Variants in IKBKB observed in about 807,000 individuals in gnomAD.
IKBKB encodes inhibitor of nuclear factor kappa-B kinase subunit beta.
A neutral mutation model predicts 113.6 loss-of-function variants in IKBKB; 42 were observed. That is an observed-to-expected ratio of 0.37 (90% CI 0.29 to 0.48). IKBKB has a LOEUF of 0.48. Ranked by LOEUF, IKBKB falls within the 20% of genes least tolerant of loss-of-function variation. The probability of loss-of-function intolerance (pLI) is 0.99; values close to 1 mark genes in which losing one functional copy is unlikely to be tolerated. For synonymous variants in IKBKB, 296 were observed against 361.3 expected, an observed-to-expected ratio of 0.82 and a Z score of 2.05; for missense variants, 673 against 939.7, an observed-to-expected ratio of 0.72 and a Z score of 3.71.
intron 14 of IKBKB, 31 bp from the exon 15 acceptor site, chr8:42,319,554 G>C (rs773573259): frequency 6.3e-7 from 1 of 1,581,552 alleles, no homozygotes; most frequent in South Asian, 1.2e-5. Flanking sequence ...ATTTTGTTTT[G>C]TTTTGTTTTT....
intron 2 of IKBKB, among the ~76,000 whole-genome samples, chr8:42,275,774 C>T (rs544402594): frequency 6.6e-6 from 1 of 152,298 alleles, no homozygotes; most frequent in African/African-American, 2.4e-5. Context: ...CTTTGATAAA[C>T]TGATTTCCTT....
At chr8:42,306,310 T>A (rs200517732) in intron 6 of IKBKB, 33 bp from the exon 7 acceptor site, 10 of 1,335,902 alleles carry the variant, frequency 7.5e-6, no homozygotes, top group Admixed American at 1.7e-5. Context: ...TGTGTTCTTA[T>A]AACCCTCAGC....
rs937010700 is a variant in IKBKB at position 42,331,358 on chromosome 8, C to G, written c.*379C>G. 2 of 702,900 alleles carry G rather than the reference C, an allele frequency of 2.8e-6. No homozygotes were observed. Among genetic ancestry groups the G allele is most frequent in the Admixed American group, 4.0e-5 (2 of 50,016 alleles). The allele number at this position is 702,900 out of a possible 1,614,324, so 43.5% of individuals were successfully genotyped here. On this transcript the variant is annotated 3_prime_UTR_variant, in exon 22 of 22. Transcript: ENST00000520810. The stretch of plus-strand genomic sequence containing the variant: ...TGCCGTGAGAAAAGTGCTTGGAGTA[C>G]GGTTTGCCACACACGTGACTGGACA...
intron 5 of IKBKB, among the ~76,000 whole-genome samples, chr8:42,300,025 A>T (rs1310730994): frequency 1.3e-5 from 2 of 152,164 alleles, no homozygotes; most frequent in African/African-American, 4.8e-5. Flanking sequence ...CATGTTTCCC[A>T]TTGTGTGCAG....
At chr8:42,271,773 G>C (rs1256022533) in intron 1 of IKBKB, 2 of 507,326 alleles carry the variant, frequency 3.9e-6, no homozygotes, top group Non-Finnish European at 6.9e-6. Flanking sequence ...AAGGCGGGCA[G>C]GCCCGGGCGC....
chr8:42,319,314 A>G lies in IKBKB; in HGVS notation c.1409A>G (p.Asn470Ser). Residue 470 changes from asparagine to serine, a missense_variant, in exon 14 of 22, where the codon AAT becomes AGT. Physicochemically the swap from Asn to Ser is conservative, Grantham distance 46. Transcript: ENST00000520810. ...AACAGCTGCCTCTCCAAAATGAAGA[A>G]TTCCATGGCTTCCATGTCTCAGCAG... The part of the protein sequence containing the change: ...RNNSCLSKMK[N>S]SMASMSQQLK... 2 of 1,614,186 alleles carry G rather than the reference A, an allele frequency of 1.2e-6. No individual in the cohort carries two copies. Among genetic ancestry groups the G allele is most frequent in the South Asian group, 2.2e-5 (2 of 91,080 alleles).
chr8:42,302,249 T>C (rs1011368203), intron 5 of IKBKB, among the ~76,000 whole-genome samples: 1 of 152,206 alleles, frequency 6.6e-6, no homozygotes, highest in African/African-American at 2.4e-5. Context: ...AAAATAAAAG[T>C]GCTGATGAGA....
chr8:42,276,627 G>A (rs963129932), intron 2 of IKBKB, among the ~76,000 whole-genome samples: 1 of 151,270 alleles, frequency 6.6e-6, no homozygotes, highest in Non-Finnish European at 1.5e-5. Flanking sequence ...GTCTACTTTT[G>A]CCTCTGTTAA....
At chr8:42,284,376 A>G (rs1054003041) in intron 2 of IKBKB, among the ~76,000 whole-genome samples, 8 of 152,000 alleles carry the variant, frequency 5.3e-5, no homozygotes, top group African/African-American at 1.7e-4. Context: ...AGGTCAGGAG[A>G]TGGAGACCAT....
intron 4 of IKBKB, among the ~76,000 whole-genome samples, chr8:42,291,336 C>T (rs181599556): frequency 6.6e-5 from 10 of 152,260 alleles, no homozygotes; most frequent in African/African-American, 2.4e-4. Context: ...CGCCCGCCCC[C>T]ACGCCTGGCT....
chr8:42,312,817 A>G (rs1373494166), intron 8 of IKBKB, among the ~76,000 whole-genome samples: 1 of 152,210 alleles, frequency 6.6e-6, no homozygotes, highest in Non-Finnish European at 1.5e-5. Context: ...AGGCCGGTTC[A>G]CCACTTGCCA....
At chr8:42,278,229 G>A (rs773278557) in intron 2 of IKBKB, among the ~76,000 whole-genome samples, 1 of 152,214 alleles carries the variant, frequency 6.6e-6, no homozygotes, top group Non-Finnish European at 1.5e-5. Flanking sequence ...GTGGCAAGTG[G>A]GCAAGACTGA....
chr8:42,318,456 C>T (rs1480937248), intron 12 of IKBKB, 96 bp from the exon 13 acceptor site: 8 of 1,392,794 alleles, frequency 5.7e-6, no homozygotes, highest in African/African-American at 2.9e-5. Context: ...AGGTACAAAA[C>T]GTGAAAGTGC....
At chr8:42,271,649 C>A in intron 1 of IKBKB, 180 bp downstream of exon 1, 1 of 540,176 alleles carries the variant, frequency 1.9e-6, no homozygotes, top group East Asian at 3.3e-5. Context: ...CCTGGGGTGG[C>A]TTCTTGGGGG....
At chr8:42,290,308 T>G in intron 4 of IKBKB, 35 bp downstream of exon 4, 1 of 1,430,628 alleles carries the variant, frequency 7.0e-7, no homozygotes, top group Non-Finnish European at 9.9e-7. Context: ...GCACAGCCTG[T>G]CTGGGCAGGT....
At chr8:42,274,851 C>G (rs2130043288) in intron 2 of IKBKB, among the ~76,000 whole-genome samples, 1 of 139,538 alleles carries the variant, frequency 7.2e-6, no homozygotes, top group African/African-American at 2.6e-5. Context: ...AACTACCGAG[C>G]CTGGACGAGA....
chr8:42,332,377 CCTG>C lies in IKBKB; in HGVS notation c.*1402_*1404del, dbSNP rs1382005569. On this transcript the variant is annotated 3_prime_UTR_variant, in exon 22 of 22. Transcript: ENST00000520810. ...TCATTTGGCTATAGAAACATTTTCTCCTGCTGATTGTGTGTGTGAAACATGTAT... is the reference window on the plus strand; with the variant it reads ...TCATTTGGCTATAGAAACATTTTCTCCTGATTGTGTGTGTGAAACATGTAT... 2.0e-5 allele frequency: 3 copies of C among 152,192 alleles called. No homozygotes were observed. The highest frequency in any genetic ancestry group is 4.4e-5 in the Non-Finnish European group (3 of 68,028). The allele number at this position is 152,192 out of a possible 1,614,324, so 9.4% of individuals were successfully genotyped here.
At chr8:42,330,367 A>G in intron 21 of IKBKB, 1 of 950,140 alleles carries the variant, frequency 1.1e-6, no homozygotes, top group South Asian at 4.9e-5. Context: ...TATTTGTTTT[A>G]TGCAGCCTGG....
chr8:42,312,005 G>T lies in IKBKB; in HGVS notation c.693-2317G>T, dbSNP rs572117836. Among the ~76,000 whole-genome samples the T allele has an allele frequency of 3.0e-4, 45 of 152,216 alleles. 1 individual carries two copies. The highest frequency in any genetic ancestry group is 6.8e-3 in the Middle Eastern group (2 of 294). On this transcript the variant is annotated intron_variant, in intron 8 of 21. Coordinates refer to ENST00000520810, the MANE Select transcript of IKBKB (RefSeq NM_001556.3). ...GGGTTCATGCCATTCTCCTGCCTCA[G>T]CCTCCCGAGTAGCTGGGACTACAGG...
Sources: allele counts gnomAD v4.1 joint callset (sites outside exome capture counted in the v4.1 genomes callset), GRCh38; gene constraint gnomAD v4.1.1; transcripts MANE v1.5; gene names NCBI Gene and HGNC (gene_info 2026-07-23, HGNC 2026-07-21).